Variants in CARMIL1 observed in about 807,000 individuals in gnomAD.
CARMIL1 encodes F-actin-uncapping protein LRRC16A.
CARMIL1 carries 90 observed loss-of-function variants against 177.1 expected under a neutral mutation model. The observed-to-expected ratio is 0.51, with a 90% CI of 0.43 to 0.61. The LOEUF (loss-of-function observed/expected upper bound fraction) is 0.61, where lower values mean the gene tolerates loss of function less well. CARMIL1 is among the 20% of genes least tolerant of loss of function. The pLI is 0.00. For synonymous variants in CARMIL1, 577 were observed against 606.2 expected (o/e 0.95, Z 0.71); for missense variants, 1,380 against 1,667.0 (o/e 0.83, Z 3.00).
intron 5 of CARMIL1, among the ~76,000 whole-genome samples, chr6:25,449,235 C>T (rs1027846485): frequency 2.6e-5 from 4 of 152,082 alleles, no homozygotes; most frequent in African/African-American, 9.7e-5. Flanking sequence ...TCACAATAAC[C>T]CTATGGGATA....
Position 25,551,070 on chromosome 6 carries a change from T to C in CARMIL1, c.2489T>C (p.Ile830Thr). 6.2e-7 allele frequency: 1 copy of C among 1,612,652 alleles called. No homozygotes were observed. The highest frequency in any genetic ancestry group is 8.5e-7 in the Non-Finnish European group (1 of 1,179,302). Residue 830 changes from isoleucine (I) to threonine (T), a missense_variant, in exon 27 of 37, where the codon ATC becomes ACC. Transcript: ENST00000329474. ...NVLLEQSGIDILNKISEVKLT... is the reference protein window; with the variant it reads ...NVLLEQSGIDTLNKISEVKLT... Reference sequence around the variant, plus strand: ...CTGTTGGAGCAGTCTGGAATTGATATCCTTAACAAAATTAGGTAGGTTTAT... The same window carrying C: ...CTGTTGGAGCAGTCTGGAATTGATACCCTTAACAAAATTAGGTAGGTTTAT...
intron 9 of CARMIL1, 54 bp from the exon 10 acceptor site, chr6:25,471,115 A>G: frequency 2.5e-6 from 3 of 1,190,146 alleles, no homozygotes; most frequent in East Asian, 2.4e-5. Flanking sequence ...TTATAACAAT[A>G]AAGTTTTTCT....
In CARMIL1 at chr6:25,515,973, G is replaced by A; in HGVS notation, c.1805+126G>A. ...CATGAGGCCATCTTGAGGAGAAGAG[G>A]TGACAATGTCAAGATTTCTGTCAGA... On this transcript the variant is annotated intron_variant, in intron 21 of 36. Coordinates refer to ENST00000329474, the MANE Select transcript of CARMIL1 (RefSeq NM_017640.6). The surrounding 1 kb of genome is among the most constrained non-coding windows in gnomAD (Gnocchi z 5.0). 1 of 889,208 alleles carries A rather than the reference G, an allele frequency of 1.1e-6. No individual in the cohort carries two copies. The highest frequency in any genetic ancestry group is 2.8e-5 in the East Asian group (1 of 36,342). The allele number at this position is 889,208 out of a possible 1,614,324, so 55.1% of individuals were successfully genotyped here. A position where few individuals can be genotyped will look rare whatever the true frequency, so the allele number is the denominator to read the frequency against.
At chr6:25,393,948 A>T (rs898369657) in intron 2 of CARMIL1, among the ~76,000 whole-genome samples, 1 of 152,150 alleles carries the variant, frequency 6.6e-6, no homozygotes, top group Non-Finnish European at 1.5e-5. Context: ...CTGATCTTCC[A>T]CGCTAAGTTC....
chr6:25,495,020 G>T, intron 15 of CARMIL1, 91 bp from the exon 16 acceptor site: 1 of 702,588 alleles, frequency 1.4e-6, no homozygotes, highest in South Asian at 2.0e-5. Flanking sequence ...CAGAAAATAT[G>T]ACTGATTTGT....
intron 2 of CARMIL1, among the ~76,000 whole-genome samples, chr6:25,359,799 G>C (rs1788997923): frequency 6.6e-6 from 1 of 152,200 alleles, no homozygotes; most frequent in South Asian, 2.1e-4. Context: ...TTTTCCCTTA[G>C]GGTATTTGGG....
chr6:25,344,720 C>T (rs988043439), intron 2 of CARMIL1, among the ~76,000 whole-genome samples: 1 of 152,112 alleles, frequency 6.6e-6, no homozygotes, highest in Non-Finnish European at 1.5e-5. Context: ...CAGAAATAAT[C>T]AGTAGAGACT....
At chr6:25,468,990 T>A (rs986802559) in intron 9 of CARMIL1, among the ~76,000 whole-genome samples, 1 of 152,222 alleles carries the variant, frequency 6.6e-6, no homozygotes, top group Non-Finnish European at 1.5e-5. Context: ...TCACTTTTTA[T>A]CATGACAACA....
chr6:25,434,076 G>T (rs9393644), intron 4 of CARMIL1, among the ~76,000 whole-genome samples: 16,070 of 152,048 alleles, frequency 0.11, 950 homozygotes, highest in East Asian at 0.2. Context: ...GGAATTTTTT[G>T]GGGGGTAGGA....
At chr6:25,599,604 C>G (rs1215938183) in intron 32 of CARMIL1, among the ~76,000 whole-genome samples, 3 of 152,148 alleles carry the variant, frequency 2.0e-5, no homozygotes, top group Admixed American at 1.3e-4. Context: ...CTTTTGGAAC[C>G]AAACTCAGGT....
intron 2 of CARMIL1, among the ~76,000 whole-genome samples, chr6:25,340,827 T>G (rs1395516701): frequency 7.3e-6 from 1 of 137,814 alleles, no homozygotes; most frequent in Admixed American, 8.1e-5. Flanking sequence ...AATTGCTAAG[T>G]GACAGATCAG....
At position 25,341,412 on chromosome 6, in the gene CARMIL1, A is replaced by G. The variant is rs185437857; in HGVS notation, c.138+56503A>G. Among the ~76,000 whole-genome samples the G allele has an allele frequency of 3.9e-3, 587 of 152,342 alleles. 1 individual carries two copies. Among genetic ancestry groups the G allele is most frequent in the Middle Eastern group, 6.8e-3 (2 of 294 alleles). ...GCCTTTTAACTCCTGTTGTCTATCT[A>G]TCTTTTATATATAGAAAACTCAGAA... On this transcript the variant is annotated intron_variant, in intron 2 of 36. Coordinates refer to ENST00000329474, the MANE Select transcript of CARMIL1 (RefSeq NM_017640.6).
intron 2 of CARMIL1, among the ~76,000 whole-genome samples, chr6:25,348,819 A>G (rs560506763): frequency 2.0e-5 from 3 of 152,124 alleles, no homozygotes; most frequent in African/African-American, 4.8e-5. Flanking sequence ...TGAAAACAAG[A>G]TAATTATCCA....
intron 2 of CARMIL1, among the ~76,000 whole-genome samples, chr6:25,369,583 G>A (rs1790207600): frequency 6.6e-6 from 1 of 151,714 alleles, no homozygotes; most frequent in South Asian, 2.1e-4. Context: ...GCTATGTATC[G>A]AGGTGGCAAA....
At chr6:25,318,309 T>C (rs923664231) in intron 2 of CARMIL1, among the ~76,000 whole-genome samples, 21 of 152,210 alleles carry the variant, frequency 1.4e-4, no homozygotes, top group African/African-American at 4.8e-4. Context: ...AGGGAAAGAC[T>C]GGGGACAAAG....
chr6:25,492,144 G>T, intron 15 of CARMIL1, 120 bp downstream of exon 15: 1 of 754,502 alleles, frequency 1.3e-6, no homozygotes, highest in Non-Finnish European at 2.2e-6. Flanking sequence ...GCAGCCTTAA[G>T]CATTATCTAT....
At chr6:25,473,736 A>C (rs1429621081) in intron 11 of CARMIL1, among the ~76,000 whole-genome samples, 1 of 152,152 alleles carries the variant, frequency 6.6e-6, no homozygotes, top group African/African-American at 2.4e-5. Flanking sequence ...CCCCATATTC[A>C]AGGAAATTGC....
At chr6:25,537,825 G>C (rs1395475069) in intron 24 of CARMIL1, 30 bp from the exon 25 acceptor site, 1 of 1,607,456 alleles carries the variant, frequency 6.2e-7, no homozygotes, top group South Asian at 1.1e-5. Flanking sequence ...GGGCTGACTT[G>C]GATGCTTGCC....
intron 31 of CARMIL1, among the ~76,000 whole-genome samples, chr6:25,583,840 C>T (rs560363071): frequency 3.3e-5 from 5 of 151,688 alleles, no homozygotes; most frequent in African/African-American, 7.3e-5. Flanking sequence ...ACCCGCCTCC[C>T]GCCCAACAAC....
Sources: gnomAD v4.1 joint callset for allele counts (sites outside exome capture counted in the v4.1 genomes callset) on GRCh38, gnomAD v4.1.1 for gene constraint, Gnocchi (gnomAD v3.1) non-coding constraint, MANE v1.5 for transcripts, NCBI Gene and HGNC (gene_info 2026-07-23, HGNC 2026-07-21) for gene names.